Variants in DPP10 observed in about 807,000 individuals in gnomAD.
The protein encoded by DPP10 is inactive dipeptidyl peptidase 10.
DPP10 carries 33 observed loss-of-function variants against 120.9 expected under a neutral mutation model. The ratio of observed to expected loss-of-function variants is 0.27; its 90% CI spans 0.21 to 0.37. The LOEUF is 0.37. DPP10 is among the 10% of genes least tolerant of loss of function. The pLI is 1.00. For missense variants in DPP10, 816 were observed against 942.8 expected (o/e 0.87, Z 1.76); for synonymous variants, 337 against 326.1 (o/e 1.03, Z -0.36).
intron 1 of DPP10, chr2:115,161,989 C>G: frequency 7.2e-7 from 1 of 1,397,860 alleles, no homozygotes; most frequent in East Asian, 3.1e-5. Flanking sequence ...CGCAGCCCAC[C>G]CCGGGGGCCA....
chr2:115,030,431 A>G (rs1573367375), intron 1 of DPP10, among the ~76,000 whole-genome samples: 1 of 151,898 alleles, frequency 6.6e-6, no homozygotes, highest in South Asian at 2.1e-4. Context: ...ATGGTTATTC[A>G]TTTTTCAATT....
At chr2:115,739,239 G>A (rs1028286416) in intron 8 of DPP10, among the ~76,000 whole-genome samples, 1 of 151,884 alleles carries the variant, frequency 6.6e-6, no homozygotes, top group African/African-American at 2.4e-5. Context: ...ACCAGAAAGC[G>A]GGAATCAAAA....
chr2:115,484,614 A>G (rs552927293), intron 3 of DPP10, among the ~76,000 whole-genome samples: 16 of 152,054 alleles, frequency 1.1e-4, no homozygotes, highest in East Asian at 5.8e-4. Flanking sequence ...TCCATATGCT[A>G]TAGTCATTTT....
intron 3 of DPP10, among the ~76,000 whole-genome samples, chr2:115,394,799 G>GT (rs1207199573): frequency 4.6e-5 from 7 of 151,846 alleles, no homozygotes; most frequent in Non-Finnish European, 7.4e-5. Flanking sequence ...AGTGAGGTGG[G>GT]TTTTTTTTAA....
intron 1 of DPP10, among the ~76,000 whole-genome samples, chr2:114,740,417 T>G (rs1277905143): frequency 6.9e-6 from 1 of 144,332 alleles, no homozygotes; most frequent in Non-Finnish European, 1.5e-5. Flanking sequence ...AAATGACGAG[T>G]TAATGGGTGC....
rs986734870 is a variant in DPP10, at chr2:114,461,904, A to G, written c.60+19066A>G. 3 of 985,366 alleles carry G rather than the reference A, an allele frequency of 3.0e-6. No homozygotes were observed. In the African/African-American group the frequency reaches 5.2e-5, roughly 17 times the overall value. 61.0% of individuals were successfully genotyped at this position (985,366 alleles called of 1,614,324 possible). A position where few individuals can be genotyped will look rare whatever the true frequency, so the allele number is the denominator to read the frequency against. On this transcript the variant is annotated intron_variant, in intron 1 of 25. Coordinates refer to ENST00000410059, the MANE Select transcript of DPP10 (RefSeq NM_020868.6). ...ACAGGTGGAGAGAGGGAGGGAGATG[A>G]GAGCTGCGTGGAGCTGGTATGCTGG...
chr2:114,669,522 C>T (rs1698177161), intron 1 of DPP10, among the ~76,000 whole-genome samples: 2 of 152,088 alleles, frequency 1.3e-5, no homozygotes, highest in Admixed American at 1.3e-4. Context: ...TTTCTCACTA[C>T]AGATCATCAG....
intron 3 of DPP10, among the ~76,000 whole-genome samples, chr2:115,460,868 C>A (rs550593310): frequency 3.2e-4 from 48 of 152,294 alleles, no homozygotes; most frequent in African/African-American, 1.1e-3. Flanking sequence ...ATTGCTATGG[C>A]AAAGTCTATT....
At chr2:114,991,978 G>T (rs1700777068) in intron 1 of DPP10, among the ~76,000 whole-genome samples, 1 of 152,122 alleles carries the variant, frequency 6.6e-6, no homozygotes, top group Non-Finnish European at 1.5e-5. Context: ...ATGAAAACCT[G>T]GCCAAGGACC....
chr2:115,244,312 A>G (rs1433116242), intron 1 of DPP10, among the ~76,000 whole-genome samples: 5 of 149,622 alleles, frequency 3.3e-5, no homozygotes, highest in Admixed American at 6.7e-5. Flanking sequence ...AATGTGTACT[A>G]TGATACATTG....
intron 1 of DPP10, among the ~76,000 whole-genome samples, chr2:115,048,733 A>G (rs1364584366): frequency 2.0e-5 from 3 of 152,060 alleles, no homozygotes; most frequent in Non-Finnish European, 2.9e-5. Flanking sequence ...TCTTCTTCAT[A>G]TATGTATTCT....
At chr2:115,350,563 T>C (rs2063958657) in intron 3 of DPP10, among the ~76,000 whole-genome samples, 1 of 152,124 alleles carries the variant, frequency 6.6e-6, no homozygotes, top group African/African-American at 2.4e-5. Flanking sequence ...ATTTTGTTAT[T>C]CTGCCTGTGC....
intron 3 of DPP10, among the ~76,000 whole-genome samples, chr2:115,377,843 G>C (rs1341873447): frequency 6.6e-6 from 1 of 152,092 alleles, no homozygotes; most frequent in Non-Finnish European, 1.5e-5. Context: ...TGTCAGGTTT[G>C]TCAAAGATCA....
At chr2:114,843,849 G>A (rs989669180) in intron 1 of DPP10, among the ~76,000 whole-genome samples, 2 of 151,946 alleles carry the variant, frequency 1.3e-5, no homozygotes, top group East Asian at 1.9e-4. Context: ...CCATTACAAT[G>A]TCTGGCTTCC....
chr2:115,593,885 C>G (rs530234452), intron 5 of DPP10, among the ~76,000 whole-genome samples: 1 of 152,250 alleles, frequency 6.6e-6, no homozygotes, highest in Non-Finnish European at 1.5e-5. Context: ...TTTGCTGGAA[C>G]TTTTTTCATA....
At chr2:115,641,448 C>G (rs13000994) in intron 5 of DPP10, among the ~76,000 whole-genome samples, 58 of 152,162 alleles carry the variant, frequency 3.8e-4, no homozygotes, top group South Asian at 6.2e-4. Flanking sequence ...ATCTTTGTCT[C>G]TGCTCTTCCC....
Position 115,836,413 on chromosome 2 carries a change from C to T in DPP10, c.2051-94C>T. On this transcript the variant is annotated intron_variant, in intron 22 of 25. Transcript: ENST00000410059. The stretch of plus-strand genomic sequence containing the variant: ...CTTGATTCAGCTGATTTTACTAAAG[C>T]ATGACAATTAAATGTAAAATGAAGA... 5 of 1,496,632 alleles carry T rather than the reference C, an allele frequency of 3.3e-6. No individual in the cohort carries two copies. The East Asian group carries it at 6.8e-5, about 20-fold the overall frequency. The allele number at this position is 1,496,632 out of a possible 1,614,324, so 92.7% of individuals were successfully genotyped here.
At chr2:115,638,341 G>A (rs1209314110) in intron 5 of DPP10, among the ~76,000 whole-genome samples, 1 of 152,180 alleles carries the variant, frequency 6.6e-6, no homozygotes, top group Non-Finnish European at 1.5e-5. Context: ...CTATTTTGGT[G>A]ATGGCCAACC....
At chr2:115,739,601 A>G (rs1226135046) in intron 8 of DPP10, 138 bp from the exon 9 acceptor site, 1 of 904,034 alleles carries the variant, frequency 1.1e-6, no homozygotes, top group East Asian at 2.6e-5. Context: ...GAATTAGAGA[A>G]TTTTCAGGGA....
Sources: allele counts gnomAD v4.1 joint callset (sites outside exome capture counted in the v4.1 genomes callset), GRCh38; gene constraint gnomAD v4.1.1; transcripts MANE v1.5; gene names NCBI Gene and HGNC (gene_info 2026-07-23, HGNC 2026-07-21).